The following TRIM2 variants were observed in gnomAD, a reference collection of about 807,000 sequenced individuals.
TRIM2 encodes the protein tripartite motif-containing protein 2.
In TRIM2, 20 loss-of-function variants were observed where a neutral mutation model predicts 75.2. The ratio of observed to expected loss-of-function variants is 0.27; its 90% CI spans 0.19 to 0.39. The LOEUF is 0.39. TRIM2 is among the 10% of genes least tolerant of loss of function. The pLI is 1.00. For synonymous variants in TRIM2, 373 were observed against 388.3 expected, an observed-to-expected ratio of 0.96 and a Z score of 0.46; for missense variants, 660 against 990.8, an observed-to-expected ratio of 0.67 and a Z score of 4.48.
intron 1 of TRIM2, among the ~76,000 whole-genome samples, chr4:153,166,066 C>A (rs954283144): frequency 2.0e-5 from 3 of 152,048 alleles, no homozygotes; most frequent in African/African-American, 7.2e-5. Flanking sequence ...CCGTTGAAAT[C>A]TTTTCTTTTC....
Position 153,295,301 on chromosome 4 carries a change from G to T in TRIM2, c.787-12G>T. The T allele has an allele frequency of 6.4e-7, 1 of 1,571,992 alleles. No individual in the cohort carries two copies. Among genetic ancestry groups the T allele is most frequent in the Non-Finnish European group, 8.6e-7 (1 of 1,159,338 alleles). Reference sequence around the variant, plus strand: ...GTGGGACGAGCTCACCAGGCCTCCGGTTTTCCCGCAGGTCCTCCAGTCGCA... The same window carrying T: ...GTGGGACGAGCTCACCAGGCCTCCGTTTTTCCCGCAGGTCCTCCAGTCGCA... On this transcript the variant is annotated splice_polypyrimidine_tract_variant and intron_variant, in intron 5 of 11. Transcript: ENST00000338700. This position sits in a 1 kb window ranked among gnomAD's most constrained non-coding sequence, Gnocchi z 7.2.
At chr4:153,182,942 T>A (rs373274504) in intron 1 of TRIM2, among the ~76,000 whole-genome samples, 2 of 152,210 alleles carry the variant, frequency 1.3e-5, no homozygotes, top group Non-Finnish European at 2.9e-5. Context: ...TCCCAGGCCG[T>A]GACCTTATTT....
Position 153,337,548 on chromosome 4 carries a change from A to G in TRIM2, c.*2582A>G, listed in dbSNP as rs149421886. 2.2e-5 allele frequency: 22 copies of G among 985,836 alleles called. No homozygotes were observed. The African/African-American group carries it at 3.0e-4, about 13-fold the overall frequency. The allele number at this position is 985,836 out of a possible 1,614,324, so 61.1% of individuals were successfully genotyped here. A position where few individuals can be genotyped will look rare whatever the true frequency, so the allele number is the denominator to read the frequency against. ...TGTGATTATATATGTTAAAGTATAG[A>G]TAACATTTCACACTTGGATACATAT... On this transcript the variant is annotated 3_prime_UTR_variant, in exon 12 of 12. Transcript: ENST00000338700.
intron 11 of TRIM2, among the ~76,000 whole-genome samples, chr4:153,333,855 A>T (rs933528362): frequency 2.0e-5 from 3 of 152,186 alleles, no homozygotes; most frequent in Admixed American, 6.5e-5. Flanking sequence ...GGATGTGCAC[A>T]GGTTAGGTGC....
intron 1 of TRIM2, among the ~76,000 whole-genome samples, chr4:153,231,669 G>A (rs775835521): frequency 4.6e-5 from 7 of 152,138 alleles, no homozygotes; most frequent in Non-Finnish European, 8.8e-5. Context: ...AAAGGGTGGC[G>A]GCATGAGGGA....
chr4:153,193,615 G>T (rs1281357721), intron 1 of TRIM2, among the ~76,000 whole-genome samples: 1 of 152,142 alleles, frequency 6.6e-6, no homozygotes, highest in Non-Finnish European at 1.5e-5. Flanking sequence ...AATCATGTGG[G>T]GTAGGACTAT....
At chr4:153,279,357 C>A (rs1005138698) in intron 3 of TRIM2, among the ~76,000 whole-genome samples, 11 of 152,064 alleles carry the variant, frequency 7.2e-5, no homozygotes, top group Non-Finnish European at 1.6e-4. Flanking sequence ...CTATATTTTC[C>A]CATTGTGTAA....
intron 1 of TRIM2, among the ~76,000 whole-genome samples, chr4:153,232,439 C>T (rs2149805340): frequency 2.0e-5 from 3 of 152,278 alleles, no homozygotes; most frequent in Middle Eastern, 6.8e-3. Flanking sequence ...GCAGAGGTTG[C>T]AGTGAGCCAA....
intron 1 of TRIM2, among the ~76,000 whole-genome samples, chr4:153,267,445 G>C (rs1755499936): frequency 6.6e-6 from 1 of 151,900 alleles, no homozygotes; most frequent in South Asian, 2.1e-4. Context: ...GAGGTCAGGA[G>C]ATCGAGACCA....
chr4:153,160,465 G>A (rs1729636754), intron 1 of TRIM2, among the ~76,000 whole-genome samples: 2 of 152,136 alleles, frequency 1.3e-5, no homozygotes, highest in East Asian at 1.9e-4. Context: ...AAAGAGATGG[G>A]GACTCACTGT....
intron 6 of TRIM2, among the ~76,000 whole-genome samples, chr4:153,311,726 A>AT (rs34229298): frequency 0.2 from 28,345 of 138,316 alleles, 3,216 homozygotes; most frequent in African/African-American, 0.3. Context: ...GTGTTTATCA[A>AT]TTTTTTTTTT....
chr4:153,273,328 T>G (rs1477729769), intron 2 of TRIM2, among the ~76,000 whole-genome samples: 24 of 133,904 alleles, frequency 1.8e-4, no homozygotes, highest in African/African-American at 6.9e-4. Flanking sequence ...CGGGCTGGAG[T>G]GCCGTGGCGC....
upstream of TRIM2, among the ~76,000 whole-genome samples, chr4:153,203,073 C>G (rs1356383459): frequency 1.5e-5 from 2 of 129,038 alleles, no homozygotes; most frequent in African/African-American, 2.9e-5. Flanking sequence ...CCACTGCACT[C>G]AAGCCTGGTG....
At chr4:153,299,336 T>C (rs926573071) in intron 6 of TRIM2, among the ~76,000 whole-genome samples, 2 of 152,116 alleles carry the variant, frequency 1.3e-5, no homozygotes, top group African/African-American at 4.8e-5. Context: ...CTGAATAGTA[T>C]TCCATTGTGT....
intron 1 of TRIM2, among the ~76,000 whole-genome samples, chr4:153,258,272 A>T (rs563456935): frequency 1.3e-5 from 2 of 152,088 alleles, no homozygotes; most frequent in Non-Finnish European, 2.9e-5. Flanking sequence ...TCTGAATGCC[A>T]TTGAGGGCCA....
chr4:153,252,042 A>G (rs2149930711), intron 1 of TRIM2, among the ~76,000 whole-genome samples: 1 of 152,306 alleles, frequency 6.6e-6, no homozygotes, highest in South Asian at 2.1e-4. Flanking sequence ...TCTACTGTAC[A>G]ATAGAACACC....
chr4:153,244,439 TA>T (rs1748522965), intron 1 of TRIM2, among the ~76,000 whole-genome samples: 12 of 104,208 alleles, frequency 1.2e-4, no homozygotes, highest in Middle Eastern at 4.8e-3. Flanking sequence ...CTTCTTCTTT[TA>T]ATTAGAGAGG....
chr4:153,325,112 C>T (rs1343188521), intron 10 of TRIM2, among the ~76,000 whole-genome samples: 4 of 152,104 alleles, frequency 2.6e-5, no homozygotes, highest in East Asian at 1.9e-4. Flanking sequence ...CTAATGACTG[C>T]GATAGCTAGA....
rs932714910 is a variant in TRIM2, at chr4:153,295,028, A to G, written c.787-285A>G. Among the ~76,000 whole-genome samples the G allele has an allele frequency of 1.3e-5, 2 of 152,238 alleles. No individual in the cohort carries two copies. The highest frequency in any genetic ancestry group is 2.4e-5 in the African/African-American group (1 of 41,468). On this transcript the variant is annotated intron_variant, in intron 5 of 11. Transcript: ENST00000338700. This position sits in a 1 kb window ranked among gnomAD's most constrained non-coding sequence, Gnocchi z 7.2. ...TGTCAGGCATAGCAATTAATTTGCTATGCTCTTGGTAGTGACCTTTCTGTT... is the reference window on the plus strand; with the variant it reads ...TGTCAGGCATAGCAATTAATTTGCTGTGCTCTTGGTAGTGACCTTTCTGTT...
Sources: gnomAD v4.1 joint callset for allele counts (sites outside exome capture counted in the v4.1 genomes callset) on GRCh38, gnomAD v4.1.1 for gene constraint, Gnocchi (gnomAD v3.1) non-coding constraint, MANE v1.5 for transcripts, NCBI Gene and HGNC (gene_info 2026-07-23, HGNC 2026-07-21) for gene names.